FSIP1: variants seen among roughly 807,000 people sequenced by gnomAD.
The protein encoded by FSIP1 is fibrous sheath interacting protein 1, also known as fibrous sheath-interacting protein 1.
In FSIP1, 65 loss-of-function variants were observed where a neutral mutation model predicts 60.9. That is an observed-to-expected ratio of 1.07 (90% CI 0.87 to 1.31). The LOEUF is 1.31. Ranked by LOEUF, FSIP1 falls within the 40% of genes most tolerant of loss-of-function variation. The probability of loss-of-function intolerance (pLI) is 0.00; values close to 1 mark genes in which losing one functional copy is unlikely to be tolerated. For synonymous variants in FSIP1, 209 were observed against 221.2 expected, an observed-to-expected ratio of 0.94 and a Z score of 0.49; for missense variants, 675 against 665.5, an observed-to-expected ratio of 1.01 and a Z score of -0.16.
intron 9 of FSIP1, among the ~76,000 whole-genome samples, chr15:39,723,527 C>T (rs796259023): frequency 3.9e-5 from 6 of 152,296 alleles, no homozygotes; most frequent in African/African-American, 1.4e-4. Context: ...CCATGCCCAG[C>T]CTGAAGTGAG....
At chr15:39,701,579 T>A (rs1895060767) in intron 10 of FSIP1, among the ~76,000 whole-genome samples, 1 of 152,198 alleles carries the variant, frequency 6.6e-6, no homozygotes, top group Admixed American at 6.5e-5. Context: ...GTTTAAAGGA[T>A]CAAGGAAGGT....
chr15:39,744,219 G>C (rs2140651345), intron 5 of FSIP1, among the ~76,000 whole-genome samples: 1 of 152,066 alleles, frequency 6.6e-6, no homozygotes, highest in African/African-American at 2.4e-5. Flanking sequence ...CTTTAAATCT[G>C]ATCAAAATTC....
intron 10 of FSIP1, among the ~76,000 whole-genome samples, chr15:39,687,720 A>C (rs1015964731): frequency 6.6e-6 from 1 of 152,232 alleles, no homozygotes; most frequent in African/African-American, 2.4e-5. Flanking sequence ...GTTTGTAAAC[A>C]TTAAGCCCTT....
chr15:39,670,823 C>T (rs1346130955), intron 10 of FSIP1, among the ~76,000 whole-genome samples: 1 of 152,230 alleles, frequency 6.6e-6, no homozygotes, highest in African/African-American at 2.4e-5. Flanking sequence ...TCACAAACTT[C>T]TAAAGGTGTC....
intron 11 of FSIP1, among the ~76,000 whole-genome samples, chr15:39,614,520 C>T (rs948517587): frequency 6.6e-6 from 1 of 151,850 alleles, no homozygotes; most frequent in Non-Finnish European, 1.5e-5. Flanking sequence ...TGGCACGCAC[C>T]TGTAATTTTG....
chr15:39,646,520 C>CAAAAAAAAAAAAAA lies in FSIP1; in HGVS notation c.1189-28289_1189-28276dup, dbSNP rs71132108. On this transcript the variant is annotated intron_variant, in intron 10 of 11. Coordinates refer to ENST00000350221, the MANE Select transcript of FSIP1 (RefSeq NM_152597.5). ...GTAACATAGCGAGACCTCATCTCTA[C>CAAAAAAAAAAAAAA]AAAAAAAAAAAAAAAAAAAAAAAAA... 4.4e-4 allele frequency among the ~76,000 whole-genome samples: 12 copies of CAAAAAAAAAAAAAA among 27,114 alleles called. 3 individuals are homozygous for CAAAAAAAAAAAAAA. The highest frequency in any genetic ancestry group is 3.5e-3 in the East Asian group (2 of 570). The allele number at this position is 27,114 out of a possible 152,430, so 17.8% of individuals were successfully genotyped here. A position where few individuals can be genotyped will look rare whatever the true frequency, so the allele number is the denominator to read the frequency against.
intron 3 of FSIP1, among the ~76,000 whole-genome samples, chr15:39,767,308 C>T (rs1195014816): frequency 2.6e-5 from 4 of 152,202 alleles, no homozygotes; most frequent in Admixed American, 2.6e-4. Flanking sequence ...TTCTCAGGCT[C>T]CGTGAACATA....
intron 10 of FSIP1, among the ~76,000 whole-genome samples, chr15:39,679,706 A>G (rs959137296): frequency 2.6e-5 from 4 of 152,254 alleles, no homozygotes; most frequent in Non-Finnish European, 4.4e-5. Context: ...ACTGACAGGA[A>G]TATTTATGCT....
chr15:39,778,773 G>A (rs1396225934), intron 1 of FSIP1, among the ~76,000 whole-genome samples: 1 of 152,102 alleles, frequency 6.6e-6, no homozygotes, highest in African/African-American at 2.4e-5. Flanking sequence ...AAATCAAAGA[G>A]ACTGTCCAGA....
chr15:39,749,018 A>G (rs746808323), intron 5 of FSIP1, among the ~76,000 whole-genome samples: 7 of 152,024 alleles, frequency 4.6e-5, no homozygotes, highest in Non-Finnish European at 8.8e-5. Flanking sequence ...AGGGACTATT[A>G]TGAATAATTA....
At chr15:39,698,100 C>T (rs1211948349) in intron 10 of FSIP1, among the ~76,000 whole-genome samples, 1 of 151,046 alleles carries the variant, frequency 6.6e-6, no homozygotes, top group African/African-American at 2.4e-5. Context: ...GCAATGGAGA[C>T]CTTGAAAGGT....
intron 10 of FSIP1, among the ~76,000 whole-genome samples, chr15:39,701,911 G>A (rs1895075847): frequency 6.6e-6 from 1 of 152,086 alleles, no homozygotes; most frequent in Admixed American, 6.5e-5. Flanking sequence ...TTAAATTATT[G>A]TGTTCTTCCA....
In FSIP1 at chr15:39,632,324, G is replaced by A. The variant is rs115372434; in HGVS notation, c.1189-14079C>T. Among the ~76,000 whole-genome samples, 1,396 of 152,062 alleles carry A rather than the reference G, an allele frequency of 9.2e-3. 15 individuals are homozygous for A. Among genetic ancestry groups the A allele is most frequent in the African/African-American group, 0.032 (1,328 of 41,480 alleles). ...CCCAAGTAGCTGGGACTACAGATAC[G>A]CACCACCATGCCCGGCTAATTTTTT... is the stretch of plus-strand genomic sequence containing the variant. On this transcript the variant is annotated intron_variant, in intron 10 of 11. Coordinates refer to ENST00000350221, the MANE Select transcript of FSIP1 (RefSeq NM_152597.5).
At chr15:39,655,561 G>A (rs1464119777) in intron 10 of FSIP1, among the ~76,000 whole-genome samples, 6 of 152,134 alleles carry the variant, frequency 3.9e-5, no homozygotes, top group Non-Finnish European at 8.8e-5. Flanking sequence ...AAAGTTCAGT[G>A]TTGTAACGAC....
chr15:39,676,886 T>C (rs1452606040), intron 10 of FSIP1, among the ~76,000 whole-genome samples: 2 of 152,232 alleles, frequency 1.3e-5, no homozygotes, highest in East Asian at 3.8e-4. Flanking sequence ...TGATAAAGAA[T>C]ACGCATAAAA....
At position 39,739,710 on chromosome 15, in the gene FSIP1, C is replaced by T; in HGVS notation, c.735G>A (p.Glu245=). The change falls in exon 7 of 12, where the codon GAG becomes GAA. Residue 245 remains glutamate, a synonymous_variant. Coordinates refer to ENST00000350221, the MANE Select transcript of FSIP1 (RefSeq NM_152597.5). ...AATCCTGGTTGTGTTTACCCCTGAG[C>T]TCAATCTTTTCTGTATTCGAGAAAG... ...KKPFSNTEKI[E]LRGKHNQDFI... is the part of the protein sequence containing the mutation. The T allele has an allele frequency of 6.2e-7, 1 of 1,602,084 alleles. No individual in the cohort carries two copies. The highest frequency in any genetic ancestry group is 1.1e-5 in the South Asian group (1 of 88,060).
intron 10 of FSIP1, among the ~76,000 whole-genome samples, chr15:39,704,295 C>T (rs1245311777): frequency 6.6e-6 from 1 of 152,100 alleles, no homozygotes; most frequent in African/African-American, 2.4e-5. Context: ...ACAAAGACAC[C>T]AAAGTATAAC....
intron 10 of FSIP1, among the ~76,000 whole-genome samples, chr15:39,633,632 G>T (rs192475560): frequency 6.6e-6 from 1 of 152,222 alleles, no homozygotes; most frequent in Admixed American, 6.5e-5. Context: ...CAGTGGAGAG[G>T]AAAATCTTTA....
At chr15:39,665,899 G>C (rs1893477046) in intron 10 of FSIP1, among the ~76,000 whole-genome samples, 1 of 152,044 alleles carries the variant, frequency 6.6e-6, no homozygotes, top group Admixed American at 6.6e-5. Context: ...ACAAGATAAT[G>C]ATCAAGCAAG....
Sources: allele counts gnomAD v4.1 joint callset (sites outside exome capture counted in the v4.1 genomes callset), GRCh38; gene constraint gnomAD v4.1.1; transcripts MANE v1.5; gene names NCBI Gene and HGNC (gene_info 2026-07-23, HGNC 2026-07-21).